Variants in CPEB3 observed in about 807,000 individuals in gnomAD.
CPEB3 encodes cytoplasmic polyadenylation element-binding protein 3.
CPEB3 carries 20 observed loss-of-function variants against 67.2 expected under a neutral mutation model. The observed-to-expected ratio is 0.30, with a 90% CI of 0.21 to 0.43. The LOEUF (loss-of-function observed/expected upper bound fraction) is 0.43, where lower values mean the gene tolerates loss of function less well. Among genes scored for constraint, CPEB3 ranks in the 20% least tolerant of loss-of-function variants. The pLI, the probability that CPEB3 is intolerant of heterozygous loss-of-function variation, is 1.00. For missense variants in CPEB3, 746 were observed against 968.6 expected (o/e 0.77, Z 3.05); for synonymous variants, 376 against 393.1 (o/e 0.96, Z 0.51).
At chr10:92,289,731 A>AT (rs1564936507) in intron 1 of CPEB3, among the ~76,000 whole-genome samples, 308 of 120,214 alleles carry the variant, frequency 2.6e-3, no homozygotes, top group Middle Eastern at 8.4e-3. Flanking sequence ...AAAAAAAAAA[A>AT]AATATATATA....
At chr10:92,180,408 C>T (rs1216875179) in intron 4 of CPEB3, among the ~76,000 whole-genome samples, 1 of 152,150 alleles carries the variant, frequency 6.6e-6, no homozygotes, top group Non-Finnish European at 1.5e-5. Flanking sequence ...ATATTCTCTA[C>T]CCCACTTCCT....
At position 92,082,021 on chromosome 10, in the gene CPEB3, T is replaced by TA. The variant is rs573917011; in HGVS notation, c.1688-521dup. Among the ~76,000 whole-genome samples, 772 of 152,288 alleles carry TA rather than the reference T, an allele frequency of 5.1e-3. 10 individuals are homozygous for TA. Among genetic ancestry groups the TA allele is most frequent in the South Asian group, 0.021 (103 of 4,828 alleles). On this transcript the variant is annotated intron_variant, in intron 8 of 9. Coordinates refer to ENST00000265997, the MANE Select transcript of CPEB3 (RefSeq NM_014912.5). Reference sequence around the variant, plus strand: ...AGCCTTAAAGTAAATCTCCACAATTTAAAAAAATAAAGATTTTAGAGTATA... The same window carrying TA: ...AGCCTTAAAGTAAATCTCCACAATTTAAAAAAAATAAAGATTTTAGAGTATA...
chr10:92,206,040 G>A (rs958521779), intron 2 of CPEB3, among the ~76,000 whole-genome samples: 1 of 150,604 alleles, frequency 6.6e-6, no homozygotes. Flanking sequence ...ATACTTTAGG[G>A]TACTTTAAAT....
chr10:92,267,905 G>A (rs900234216), intron 1 of CPEB3, among the ~76,000 whole-genome samples: 4 of 152,098 alleles, frequency 2.6e-5, no homozygotes, highest in Non-Finnish European at 4.4e-5. Context: ...TGCCGCCTCC[G>A]CCTCCCGGGT....
rs538320739 is a variant in CPEB3, at chr10:92,137,387, T to C, written c.1453+5642A>G. On this transcript the variant is annotated intron_variant, in intron 6 of 9. Coordinates refer to ENST00000265997, the MANE Select transcript of CPEB3 (RefSeq NM_014912.5). ...CTGTCTCCCAAATACATCAAGATGT[T>C]TGTACTGGACGAAGCTGATGAAATG... The C allele has an allele frequency of 2.0e-4, 218 of 1,110,672 alleles. 1 individual carries two copies. Among genetic ancestry groups the C allele is most frequent in the Middle Eastern group, 9.0e-4 (3 of 3,330 alleles). The allele number at this position is 1,110,672 out of a possible 1,614,324, so 68.8% of individuals were successfully genotyped here. A position where few individuals can be genotyped will look rare whatever the true frequency, so the allele number is the denominator to read the frequency against.
chr10:92,192,399 C>A, intron 3 of CPEB3, 78 bp downstream of exon 3: 8 of 1,373,232 alleles, frequency 5.8e-6, no homozygotes, highest in South Asian at 1.4e-5. Flanking sequence ...AAAAACAAAC[C>A]AGAAAAATCA....
At chr10:92,275,634 T>C (rs1310388850) in intron 1 of CPEB3, among the ~76,000 whole-genome samples, 1 of 152,094 alleles carries the variant, frequency 6.6e-6, no homozygotes, top group Non-Finnish European at 1.5e-5. Flanking sequence ...TTAGACCATT[T>C]TCATCAACCC....
chr10:92,213,156 C>G (rs556874210), intron 2 of CPEB3, among the ~76,000 whole-genome samples: 2 of 152,206 alleles, frequency 1.3e-5, no homozygotes, highest in Admixed American at 6.5e-5. Flanking sequence ...TTATGAGTAA[C>G]CCCAGGCCCC....
chr10:92,287,025 T>C (rs761271582), intron 1 of CPEB3, among the ~76,000 whole-genome samples: 3 of 152,222 alleles, frequency 2.0e-5, no homozygotes, highest in Non-Finnish European at 1.5e-5. Flanking sequence ...AATCTTTAAA[T>C]ATTTTCTGTA....
intron 2 of CPEB3, among the ~76,000 whole-genome samples, chr10:92,211,310 C>A (rs1216963333): frequency 2.6e-5 from 4 of 152,104 alleles, no homozygotes; most frequent in Non-Finnish European, 5.9e-5. Context: ...AAAACTCTTA[C>A]ATTGTCTTTG....
chr10:92,247,283 C>T (rs1022088888), intron 1 of CPEB3, among the ~76,000 whole-genome samples: 1 of 151,792 alleles, frequency 6.6e-6, no homozygotes, highest in Non-Finnish European at 1.5e-5. Flanking sequence ...AGTGGCACAA[C>T]CTCAGCTAAC....
At chr10:92,165,231 G>C (rs1847680824) in intron 4 of CPEB3, among the ~76,000 whole-genome samples, 1 of 152,138 alleles carries the variant, frequency 6.6e-6, no homozygotes, top group African/African-American at 2.4e-5. Context: ...AGGACTGTTT[G>C]AGGCCAGGAG....
rs932415259 is a variant in CPEB3 at position 92,111,202 on chromosome 10, A to G, written c.1454-8T>C. On this transcript the variant is annotated splice_polypyrimidine_tract_variant and splice_region_variant and intron_variant, in intron 6 of 9. Coordinates refer to ENST00000265997, the MANE Select transcript of CPEB3 (RefSeq NM_014912.5). Reference sequence around the variant, plus strand: ...ACAGCAGAAAGGCATAGCCTTGGGGAGAGCAAAAACAAAAGGGTAGAGGAA... The same window carrying G: ...ACAGCAGAAAGGCATAGCCTTGGGGGGAGCAAAAACAAAAGGGTAGAGGAA... 6.4e-7 allele frequency: 1 copy of G among 1,561,160 alleles called. No homozygotes were observed. Among genetic ancestry groups the G allele is most frequent in the Non-Finnish European group, 8.8e-7 (1 of 1,132,234 alleles).
intron 2 of CPEB3, among the ~76,000 whole-genome samples, chr10:92,202,773 G>T (rs140718447): frequency 6.6e-6 from 1 of 150,964 alleles, no homozygotes; most frequent in Admixed American, 6.6e-5. Context: ...TTCTTTTTGG[G>T]GTGATAAAAA....
chr10:92,181,789 C>T (rs1212423912), intron 3 of CPEB3, among the ~76,000 whole-genome samples: 1 of 152,120 alleles, frequency 6.6e-6, no homozygotes, highest in Non-Finnish European at 1.5e-5. Flanking sequence ...CCATGTGGCC[C>T]GTAAAGCCTA....
chr10:92,103,357 G>A (rs1844286377), intron 7 of CPEB3, among the ~76,000 whole-genome samples: 2 of 152,150 alleles, frequency 1.3e-5, no homozygotes, highest in Non-Finnish European at 2.9e-5. Context: ...TTGCACTACT[G>A]TGCTAGGCAT....
chr10:92,244,765 A>G (rs1362483387), intron 1 of CPEB3, among the ~76,000 whole-genome samples: 1 of 152,002 alleles, frequency 6.6e-6, no homozygotes, highest in Admixed American at 6.6e-5. Context: ...GTTTTTTGGT[A>G]TGGTTTTTCC....
chr10:92,100,069 A>G (rs66636110), intron 7 of CPEB3, among the ~76,000 whole-genome samples: 52,431 of 151,868 alleles, frequency 0.35, 9,258 homozygotes, highest in Admixed American at 0.39. Flanking sequence ...CAGGAGTTTG[A>G]GGTTGCAGCG....
At chr10:92,195,046 A>AACGCAC (rs1849172136) in intron 2 of CPEB3, among the ~76,000 whole-genome samples, 1 of 117,068 alleles carries the variant, frequency 8.5e-6, no homozygotes, top group Admixed American at 8.4e-5. Context: ...TGTCTCAAAA[A>AACGCAC]ACACACACAC....
Sources: allele counts gnomAD v4.1 joint callset (sites outside exome capture counted in the v4.1 genomes callset), GRCh38; gene constraint gnomAD v4.1.1; transcripts MANE v1.5; gene names NCBI Gene and HGNC (gene_info 2026-07-23, HGNC 2026-07-21).